The following FGFRL1 variants were observed in gnomAD, a reference collection of about 807,000 sequenced individuals.
FGFRL1 encodes the protein fibroblast growth factor receptor like 1, also known as fibroblast growth factor receptor-like 1.
FGFRL1 carries 24 observed loss-of-function variants against 36.8 expected under a neutral mutation model. That is an observed-to-expected ratio of 0.65 (90% CI 0.47 to 0.92). The LOEUF (loss-of-function observed/expected upper bound fraction) is 0.92. Ranked by LOEUF, FGFRL1 falls within the 40% of genes least tolerant of loss-of-function variation. The pLI, the probability that FGFRL1 is intolerant of heterozygous loss-of-function variation, is 0.00. For missense variants in FGFRL1, 785 were observed against 753.4 expected (o/e 1.04, Z -0.49); for synonymous variants, 422 against 344.1 (o/e 1.23, Z -2.50).
chr4:1,010,382 G>A (rs368390463), upstream of FGFRL1, among the ~76,000 whole-genome samples: 1 of 152,388 alleles, frequency 6.6e-6, no homozygotes, highest in African/African-American at 2.4e-5. Flanking sequence ...TGGGGTGGAG[G>A]ACGCTGGGCT....
rs186520027 is a variant in FGFRL1 at position 1,013,275 on chromosome 4, G to A, written c.79+711G>A. On this transcript the variant is annotated intron_variant, in intron 2 of 6. Transcript: ENST00000510644. ...CGGAGCCGATGGGTGACGTGTGCCC[G>A]CAGACTCATGCCCGCCATGTTCCAG... Among the ~76,000 whole-genome samples, 312 of 152,360 alleles carry A rather than the reference G, an allele frequency of 2.0e-3. 5 individuals carry two copies. In the South Asian group the frequency reaches 0.056, roughly 27 times the overall value.
At position 1,025,839 on chromosome 4, in the gene FGFRL1, G is replaced by A. The variant is rs1280326065; in HGVS notation, c.*492G>A. The stretch of plus-strand genomic sequence containing the variant: ...CTGGACACACAGATAATGCTGCCTT[G>A]ACACACACATGCACGGATATTGCCT... On this transcript the variant is annotated 3_prime_UTR_variant, in exon 7 of 7. Transcript: ENST00000510644. The A allele has an allele frequency of 2.2e-5, 4 of 184,496 alleles. No individual in the cohort carries two copies. The highest frequency in any genetic ancestry group is 4.4e-5 in the Non-Finnish European group (4 of 90,838). The allele number at this position is 184,496 out of a possible 1,614,324, so 11.4% of individuals were successfully genotyped here.
At chr4:1,014,368 G>A (rs902739847) in intron 2 of FGFRL1, among the ~76,000 whole-genome samples, 1 of 152,126 alleles carries the variant, frequency 6.6e-6, no homozygotes, top group Non-Finnish European at 1.5e-5. Context: ...TGCATGAAAT[G>A]TCTTTCACAA....
chr4:1,014,776 G>T (rs1327736754), intron 2 of FGFRL1, among the ~76,000 whole-genome samples: 2 of 152,318 alleles, frequency 1.3e-5, no homozygotes, highest in East Asian at 1.9e-4. Flanking sequence ...TGGGAGCTGG[G>T]CCCAGCCCCT....
chr4:1,020,071 G>A (rs1437990345), intron 2 of FGFRL1, among the ~76,000 whole-genome samples: 2 of 152,242 alleles, frequency 1.3e-5, no homozygotes, highest in African/African-American at 4.8e-5. Context: ...TCTCTGTGAG[G>A]GTCCCTGTCC....
chr4:1,025,471 C>T lies in FGFRL1; in HGVS notation c.*124C>T. On this transcript the variant is annotated 3_prime_UTR_variant, in exon 7 of 7. Transcript: ENST00000510644. ...GAGGAGGAATGGCCAGCACCCCAGG[C>T]AGTCTGTGTGTGAGGCATAGCCCCT... 2 of 1,224,478 alleles carry T rather than the reference C, an allele frequency of 1.6e-6. No individual in the cohort carries two copies. The highest frequency in any genetic ancestry group is 3.0e-5 in the South Asian group (2 of 65,616). 75.9% of individuals were successfully genotyped at this position (1,224,478 alleles called of 1,614,324 possible). A position where few individuals can be genotyped will look rare whatever the true frequency, so the allele number is the denominator to read the frequency against.
At chr4:1,015,349 C>G (rs1262315055) in intron 2 of FGFRL1, among the ~76,000 whole-genome samples, 1 of 152,234 alleles carries the variant, frequency 6.6e-6, no homozygotes, top group Non-Finnish European at 1.5e-5. Context: ...GCCTGCCACT[C>G]TCCCTGGCGG....
rs1716293942 is a variant in FGFRL1, at chr4:1,023,258, A to G, written c.353-383A>G. 6.7e-6 allele frequency among the ~76,000 whole-genome samples: 1 copy of G among 148,936 alleles called. No homozygotes were observed. The highest frequency in any genetic ancestry group is 2.5e-5 in the African/African-American group (1 of 40,280). The stretch of plus-strand genomic sequence containing the variant: ...CCCACCCCCACCCCACAGTCCTTTC[A>G]AAGGGGACGATGACCGGGTGGTATG... On this transcript the variant is annotated intron_variant, in intron 3 of 6. Transcript: ENST00000510644. The surrounding 1 kb of genome is among the most constrained non-coding windows in gnomAD (Gnocchi z 6.0).
chr4:1,025,377 G>A lies in FGFRL1; in HGVS notation c.*30G>A. On this transcript the variant is annotated 3_prime_UTR_variant, in exon 7 of 7. Coordinates refer to ENST00000510644, the MANE Select transcript of FGFRL1 (RefSeq NM_001004356.3). ...CACCGTATCTGCAGTGGGCACGGGG[G>A]GGCCGGCCAGACAGGCAGACTGGGA... 6.6e-7 allele frequency: 1 copy of A among 1,515,760 alleles called. No individual in the cohort carries two copies. The highest frequency in any genetic ancestry group is 8.9e-7 in the Non-Finnish European group (1 of 1,124,494). 93.9% of individuals were successfully genotyped at this position (1,515,760 alleles called of 1,614,324 possible). A position where few individuals can be genotyped will look rare whatever the true frequency, so the allele number is the denominator to read the frequency against.
At position 1,023,651 on chromosome 4, in the gene FGFRL1, C is replaced by T. The variant is rs1018177144; in HGVS notation, c.363C>T (p.Ser121=). ...TCCGTCTCTCTGCAGATGACATTAGCCCAGGGAAGGAGAGCCTGGGGCCCG... is the reference window on the plus strand; with the variant it reads ...TCCGTCTCTCTGCAGATGACATTAGTCCAGGGAAGGAGAGCCTGGGGCCCG... ...NYTLVVLDDI[S]PGKESLGPDS... The change falls in exon 4 of 7, where the codon AGC becomes AGT. Residue 121 remains serine (S), a synonymous_variant. Transcript: ENST00000510644. This position sits in a 1 kb window ranked among gnomAD's most constrained non-coding sequence, Gnocchi z 6.0. The T allele has an allele frequency of 4.4e-6, 7 of 1,603,096 alleles. No homozygotes were observed. The African/African-American group carries it at 5.4e-5, about 12-fold the overall frequency.
rs1202967388 is a variant in FGFRL1 at position 1,023,686 on chromosome 4, C to T, written c.398C>T (p.Ser133Phe). Residue 133 changes from serine (S) to phenylalanine (F), a missense_variant, in exon 4 of 7, where the codon TCT (serine) becomes TTT (phenylalanine). Coordinates refer to ENST00000510644, the MANE Select transcript of FGFRL1 (RefSeq NM_001004356.3). This position sits in a 1 kb window ranked among gnomAD's most constrained non-coding sequence, Gnocchi z 6.0. ...GAGAGCCTGGGGCCCGACAGCTCCT[C>T]TGGGGGTCAAGAGGACCCCGCCAGC... is the stretch of plus-strand genomic sequence containing the variant. ...GKESLGPDSS[S>F]GGQEDPASQQ... is the part of the protein sequence containing the mutation. 1.3e-6 allele frequency: 2 copies of T among 1,582,074 alleles called. No individual in the cohort carries two copies. Among genetic ancestry groups the T allele is most frequent in the Non-Finnish European group, 8.6e-7 (1 of 1,165,646 alleles).
chr4:1,013,375 C>T (rs377111526), intron 2 of FGFRL1, among the ~76,000 whole-genome samples: 1 of 152,260 alleles, frequency 6.6e-6, no homozygotes, highest in Non-Finnish European at 1.5e-5. Flanking sequence ...GGCGTGTTGA[C>T]CACTCAGGAT....
rs1230378702 is a variant in FGFRL1, at chr4:1,011,696, C to T, written c.-275C>T. 4 of 141,982 alleles carry T rather than the reference C, an allele frequency of 2.8e-5. No individual in the cohort carries two copies. Among genetic ancestry groups the T allele is most frequent in the Non-Finnish European group, 6.2e-5 (4 of 64,074 alleles). 8.8% of individuals were successfully genotyped at this position (141,982 alleles called of 1,614,324 possible). A position where few individuals can be genotyped will look rare whatever the true frequency, so the allele number is the denominator to read the frequency against. ...CCCCGGGCCCCTCGCCCCGCCGCCC[C>T]GGGATCCCGGCCCCGGCCCCCGGCC... is the stretch of plus-strand genomic sequence containing the variant. On this transcript the variant is annotated 5_prime_UTR_variant, in exon 1 of 7. Coordinates refer to ENST00000510644, the MANE Select transcript of FGFRL1 (RefSeq NM_001004356.3).
intron 2 of FGFRL1, among the ~76,000 whole-genome samples, chr4:1,013,266 C>T (rs987997490): frequency 3.3e-5 from 5 of 152,248 alleles, no homozygotes; most frequent in African/African-American, 2.4e-5. Flanking sequence ...CGATGGGTGA[C>T]GTGTGCCCGC....
At chr4:1,024,268 C>A (rs761356781) in intron 5 of FGFRL1, 43 bp from the exon 6 acceptor site, 1 of 1,540,664 alleles carries the variant, frequency 6.5e-7, no homozygotes, top group South Asian at 1.2e-5. Flanking sequence ...GGGTAGAGTC[C>A]GGCGCGGCCC....
At chr4:1,016,478 C>T (rs1486035158) in intron 2 of FGFRL1, among the ~76,000 whole-genome samples, 2 of 152,026 alleles carry the variant, frequency 1.3e-5, no homozygotes, top group African/African-American at 2.4e-5. Flanking sequence ...CCTGATGATG[C>T]TCTGGTGCCC....
At chr4:1,024,249 G>T in intron 5 of FGFRL1, 62 bp from the exon 6 acceptor site, 1 of 1,517,044 alleles carries the variant, frequency 6.6e-7, no homozygotes, top group Non-Finnish European at 8.8e-7. Context: ...TGGGCCCAGG[G>T]TGCTGGCGGG....
chr4:1,010,235 G>C (rs1577550658), upstream of FGFRL1: 4 of 152,344 alleles, frequency 2.6e-5, no homozygotes, highest in East Asian at 7.7e-4. Context: ...ACGTTCTCCC[G>C]CCGGGAGGAC....
At position 1,026,737 on chromosome 4, in the gene FGFRL1, C is replaced by T. The variant is rs937089693; in HGVS notation, c.*1390C>T. The T allele has an allele frequency of 2.4e-6, 1 of 416,376 alleles. No homozygotes were observed. The highest frequency in any genetic ancestry group is 2.8e-5 in the Admixed American group (1 of 35,810). 25.8% of individuals were successfully genotyped at this position (416,376 alleles called of 1,614,324 possible). ...TCCTGGGGCCCGGGACCCGCCTGGT[C>T]TTTCAGCCATGCTGATGACCACACC... On this transcript the variant is annotated 3_prime_UTR_variant, in exon 7 of 7. Transcript: ENST00000510644.
Sources: allele counts gnomAD v4.1 joint callset (sites outside exome capture counted in the v4.1 genomes callset), GRCh38; gene constraint gnomAD v4.1.1; non-coding constraint Gnocchi (gnomAD v3.1); transcripts MANE v1.5; gene names NCBI Gene and HGNC (gene_info 2026-07-23, HGNC 2026-07-21).